Variants in MACROD1 observed in about 807,000 individuals in gnomAD.
MACROD1 encodes the protein mono-ADP ribosylhydrolase 1.
A neutral mutation model predicts 41.4 loss-of-function variants in MACROD1; 31 were observed. That is an observed-to-expected ratio of 0.75 (90% CI 0.56 to 1.01). The LOEUF is 1.01. Ranked by LOEUF, MACROD1 falls within the 50% of genes least tolerant of loss-of-function variation. The probability of loss-of-function intolerance (pLI) is 0.00; values close to 1 mark genes in which losing one functional copy is unlikely to be tolerated. For synonymous variants in MACROD1, 252 were observed against 203.4 expected, an observed-to-expected ratio of 1.24 and a Z score of -2.03; for missense variants, 473 against 460.0, an observed-to-expected ratio of 1.03 and a Z score of -0.26.
intron 3 of MACROD1, among the ~76,000 whole-genome samples, chr11:64,044,815 T>C (rs938431575): frequency 6.6e-6 from 1 of 152,156 alleles, no homozygotes; most frequent in Non-Finnish European, 1.5e-5. Context: ...CCAGGACCTC[T>C]GAGCTGTCTC....
At chr11:64,037,819 C>T (rs960416554) in intron 3 of MACROD1, among the ~76,000 whole-genome samples, 2 of 152,218 alleles carry the variant, frequency 1.3e-5, no homozygotes, top group Non-Finnish European at 2.9e-5. Context: ...CCGCACTCTA[C>T]CATTTATTGG....
rs1484474618 is a variant in MACROD1, at chr11:64,095,163, G to A, written c.517+56076C>T. ...GGGGAAGGAACGACATTCCACTCTC[G>A]TGTGAGGTGTGGGCTGGCTTGCTTG... On this transcript the variant is annotated intron_variant, in intron 3 of 10. Coordinates refer to ENST00000255681, the MANE Select transcript of MACROD1 (RefSeq NM_014067.4). Among the ~76,000 whole-genome samples the A allele has an allele frequency of 3.9e-5, 6 of 152,238 alleles. No homozygotes were observed. The East Asian group carries it at 1.2e-3, about 29-fold the overall frequency.
intron 4 of MACROD1, among the ~76,000 whole-genome samples, chr11:64,014,304 T>C (rs1020480534): frequency 1.3e-5 from 2 of 152,132 alleles, no homozygotes; most frequent in African/African-American, 2.4e-5. Flanking sequence ...GTGACCTCCA[T>C]GGGGACAGCT....
chr11:64,025,481 G>A (rs1943212366), intron 3 of MACROD1, among the ~76,000 whole-genome samples: 1 of 152,146 alleles, frequency 6.6e-6, no homozygotes, highest in South Asian at 2.1e-4. Context: ...TTCCTGCATG[G>A]ATGAATCAAC....
chr11:64,116,245 C>T, intron 3 of MACROD1: 1 of 1,580,794 alleles, frequency 6.3e-7, no homozygotes, highest in Non-Finnish European at 8.6e-7. Context: ...CCAGGTGGGG[C>T]CGGACGCCCC....
At chr11:64,043,930 C>T (rs1453320266) in intron 3 of MACROD1, among the ~76,000 whole-genome samples, 2 of 151,934 alleles carry the variant, frequency 1.3e-5, no homozygotes, top group African/African-American at 4.8e-5. Context: ...TCTCCTGCCT[C>T]AGCCTCCCAA....
At chr11:64,041,456 A>G (rs961929894) in intron 3 of MACROD1, among the ~76,000 whole-genome samples, 11 of 149,246 alleles carry the variant, frequency 7.4e-5, no homozygotes, top group Non-Finnish European at 1.3e-4. Context: ...CCAGGGGCTG[A>G]GGAGGAGAGG....
At chr11:64,143,172 G>A (rs1018131188) in intron 3 of MACROD1, among the ~76,000 whole-genome samples, 7 of 150,830 alleles carry the variant, frequency 4.6e-5, no homozygotes, top group African/African-American at 1.7e-4. Flanking sequence ...AGGAAGGAAA[G>A]AAAGGAAAAA....
rs767738896 is a variant in MACROD1, at chr11:64,117,644, C to T, written c.517+33595G>A. 29 of 1,613,668 alleles carry T rather than the reference C, an allele frequency of 1.8e-5. No individual in the cohort carries two copies. In the East Asian group the frequency reaches 6.5e-4, roughly 36 times the overall value. ...TCCGCATCACGTGGAAGGCCACGCT[C>T]CCCGCCTCCTCTTTCCGGCTCAGTT... On this transcript the variant is annotated intron_variant, in intron 3 of 10. Coordinates refer to ENST00000255681, the MANE Select transcript of MACROD1 (RefSeq NM_014067.4).
intron 3 of MACROD1, among the ~76,000 whole-genome samples, chr11:64,073,902 TGGGGTTGAAG>T (rs1332214239): frequency 6.6e-6 from 1 of 152,080 alleles, no homozygotes; most frequent in Non-Finnish European, 1.5e-5. Context: ...TTAGGGGCTC[TGGGGTTGAAG>T]GGTTGGTTGG....
chr11:64,055,241 T>C (rs935138242), intron 3 of MACROD1, among the ~76,000 whole-genome samples: 1 of 152,176 alleles, frequency 6.6e-6, no homozygotes. Flanking sequence ...GGGCAGCCAG[T>C]AGCTTTGCCT....
chr11:64,153,619 T>TGA (rs1945619220), intron 1 of MACROD1, among the ~76,000 whole-genome samples: 1 of 152,118 alleles, frequency 6.6e-6, no homozygotes, highest in Admixed American at 6.5e-5. Context: ...CCAAGGATGC[T>TGA]GAGAGCATTA....
At chr11:64,034,500 A>C (rs1284764273) in intron 3 of MACROD1, among the ~76,000 whole-genome samples, 1 of 152,206 alleles carries the variant, frequency 6.6e-6, no homozygotes, top group Non-Finnish European at 1.5e-5. Context: ...TGAAGTGAGG[A>C]GGGAGAGGCA....
chr11:64,077,427 T>A (rs1005976305), intron 3 of MACROD1, among the ~76,000 whole-genome samples: 2 of 152,142 alleles, frequency 1.3e-5, no homozygotes, highest in African/African-American at 4.8e-5. Flanking sequence ...GTCCTCGGAT[T>A]TTCCCCCCAA....
chr11:64,030,401 C>T lies in MACROD1; in HGVS notation c.518-15120G>A, dbSNP rs1003616999. 5.9e-5 allele frequency among the ~76,000 whole-genome samples: 9 copies of T among 152,318 alleles called. No homozygotes were observed. The East Asian group carries it at 1.7e-3, about 29-fold the overall frequency. ...TTCACCACATTCACCAATGCCTGAC[C>T]ATGCTGTCCCCACATGCTGGACACT... On this transcript the variant is annotated intron_variant, in intron 3 of 10. Coordinates refer to ENST00000255681, the MANE Select transcript of MACROD1 (RefSeq NM_014067.4).
At chr11:64,070,410 G>A (rs151282695) in intron 3 of MACROD1, among the ~76,000 whole-genome samples, 215 of 152,290 alleles carry the variant, frequency 1.4e-3, no homozygotes, top group African/African-American at 4.9e-3. Flanking sequence ...AGCCGGCCAC[G>A]CCTCTCCAGG....
At position 64,116,609 on chromosome 11, in the gene MACROD1, C is replaced by T. The variant is rs772794847; in HGVS notation, c.517+34630G>A. On this transcript the variant is annotated intron_variant, in intron 3 of 10. Coordinates refer to ENST00000255681, the MANE Select transcript of MACROD1 (RefSeq NM_014067.4). Reference sequence around the variant, plus strand: ...TCAACGTGCAGGTCATCTACCTATACGAGAATGACCTGGATGAGTTCCCCA... The same window carrying T: ...TCAACGTGCAGGTCATCTACCTATATGAGAATGACCTGGATGAGTTCCCCA... 45 of 1,614,086 alleles carry T rather than the reference C, an allele frequency of 2.8e-5. No homozygotes were observed. In the East Asian group the frequency reaches 5.3e-4, roughly 19 times the overall value.
chr11:64,123,863 G>A (rs146929910), intron 3 of MACROD1, among the ~76,000 whole-genome samples: 1 of 152,304 alleles, frequency 6.6e-6, no homozygotes, highest in East Asian at 1.9e-4. Context: ...AAGGAAACAG[G>A]CAGTGAGCTC....
intron 3 of MACROD1, among the ~76,000 whole-genome samples, chr11:64,070,528 G>A (rs969054668): frequency 1.8e-4 from 28 of 152,176 alleles, no homozygotes; most frequent in South Asian, 1.2e-3. Context: ...AAGGCTGCCC[G>A]AGAGCAGAGC....
Sources: allele counts gnomAD v4.1 joint callset (sites outside exome capture counted in the v4.1 genomes callset), GRCh38; gene constraint gnomAD v4.1.1; transcripts MANE v1.5; gene names NCBI Gene and HGNC (gene_info 2026-07-23, HGNC 2026-07-21).